TFAP4: variants seen among roughly 807,000 people sequenced by gnomAD.
TFAP4 encodes activating enhancer-binding protein 4.
TFAP4 carries 7 observed loss-of-function variants against 40.4 expected under a neutral mutation model. The ratio of observed to expected loss-of-function variants is 0.17; its 90% CI spans 0.10 to 0.33. TFAP4 has a LOEUF of 0.33. Among genes scored for constraint, TFAP4 ranks in the 10% least tolerant of loss-of-function variants. The pLI, the probability that TFAP4 is intolerant of heterozygous loss-of-function variation, is 1.00. For synonymous variants in TFAP4, 218 were observed against 181.4 expected (o/e 1.20, Z -1.62); for missense variants, 374 against 451.1 (o/e 0.83, Z 1.55).
rs1414640425 is a variant in TFAP4, at chr16:4,257,904, T to C, written c.*151A>G. ...CGGGTTGAGTGGCTTCGTTCAAAGG[T>C]CGATTTACAGTATTGAAAAAGAGGT... On this transcript the variant is annotated 3_prime_UTR_variant, in exon 7 of 7. Coordinates refer to ENST00000204517, the MANE Select transcript of TFAP4 (RefSeq NM_003223.3). 2 of 779,154 alleles carry C rather than the reference T, an allele frequency of 2.6e-6. No individual in the cohort carries two copies. The highest frequency in any genetic ancestry group is 2.9e-5 in the East Asian group (1 of 34,850). The allele number at this position is 779,154 out of a possible 1,614,324, so 48.3% of individuals were successfully genotyped here. A position where few individuals can be genotyped will look rare whatever the true frequency, so the allele number is the denominator to read the frequency against.
intron 6 of TFAP4, 82 bp downstream of exon 6, chr16:4,260,008 G>T (rs2141088721): frequency 6.8e-7 from 1 of 1,463,012 alleles, no homozygotes; most frequent in East Asian, 2.5e-5. Flanking sequence ...CTCCGCTTCT[G>T]CCCCTCTTTT....
intron 6 of TFAP4, among the ~76,000 whole-genome samples, chr16:4,259,704 C>T (rs1194848732): frequency 6.6e-6 from 1 of 152,196 alleles, no homozygotes; most frequent in East Asian, 1.9e-4. Flanking sequence ...CAACTATCAC[C>T]AGCCCTGCCA....
intron 6 of TFAP4, 37 bp from the exon 7 acceptor site, chr16:4,258,286 G>A (rs2052915377): frequency 1.3e-6 from 2 of 1,524,626 alleles, no homozygotes; most frequent in African/African-American, 2.8e-5. Flanking sequence ...GCTCGGCCGG[G>A]GATACATGGC....
intron 1 of TFAP4, among the ~76,000 whole-genome samples, chr16:4,269,953 G>A (rs2053028541): frequency 6.6e-6 from 1 of 152,134 alleles, no homozygotes; most frequent in African/African-American, 2.4e-5. Context: ...GGCCAAGGTG[G>A]GCAGATCACC....
At chr16:4,260,617 C>T (rs2052939193) in intron 4 of TFAP4, 22 bp from the exon 5 acceptor site, 1 of 1,573,208 alleles carries the variant, frequency 6.4e-7, no homozygotes, top group Non-Finnish European at 8.6e-7. Context: ...ACAACCTGGG[C>T]TCAGGGCCAA....
intron 4 of TFAP4, among the ~76,000 whole-genome samples, chr16:4,261,111 G>C (rs1251616987): frequency 2.0e-5 from 3 of 152,032 alleles, no homozygotes; most frequent in Non-Finnish European, 4.4e-5. Context: ...CGGGACTACA[G>C]GCACACCCCA....
Position 4,272,425 on chromosome 16 carries a change from C to T in TFAP4, c.89+233G>A, listed in dbSNP as rs561246369. 1.9e-3 allele frequency among the ~76,000 whole-genome samples: 294 copies of T among 152,206 alleles called. 1 individual carries two copies. Among genetic ancestry groups the T allele is most frequent in the African/African-American group, 6.7e-3 (279 of 41,526 alleles). The stretch of plus-strand genomic sequence containing the variant: ...TGCAATTTACAAACGTCGCGACTCG[C>T]CCGCCTGCAGCGGACAAAAGTGGCC... On this transcript the variant is annotated intron_variant, in intron 1 of 6. Coordinates refer to ENST00000204517, the MANE Select transcript of TFAP4 (RefSeq NM_003223.3).
intron 6 of TFAP4, 98 bp from the exon 7 acceptor site, chr16:4,258,347 A>C: frequency 6.7e-6 from 8 of 1,191,188 alleles, no homozygotes; most frequent in Non-Finnish European, 9.4e-6. Context: ...CCCCCAAAAC[A>C]CATAGCCCAG....
rs1397125444 is a variant in TFAP4, at chr16:4,262,694, T to G, written c.97A>C (p.Asn33His). The G allele has an allele frequency of 1.2e-6, 2 of 1,608,446 alleles. No individual in the cohort carries two copies. Among genetic ancestry groups the G allele is most frequent in the Non-Finnish European group, 1.7e-6 (2 of 1,179,910 alleles). ...EVIGGLCSLA[N>H]IPLTPETQRD... ...TGAGTCTCGGGGGTTAGTGGAATGT[T>G]GGCAAGGCTGCCAGAGAGGACAGGG... The change falls in exon 2 of 7, where the codon AAC (asparagine) becomes CAC (histidine). Residue 33 changes from asparagine (N) to histidine (H), a missense_variant. This residue lies in a region of TFAP4 where 51 missense variants were observed against 59.3 expected (regional missense o/e 0.86). Transcript: ENST00000204517.
chr16:4,262,327 G>A lies in TFAP4; in HGVS notation c.351C>T (p.Ile117=). The A allele has an allele frequency of 1.9e-6, 3 of 1,614,166 alleles. No homozygotes were observed. Among genetic ancestry groups the A allele is most frequent in the Non-Finnish European group, 2.5e-6 (3 of 1,180,012 alleles). Residue 117 remains isoleucine (I), a synonymous_variant, in exon 3 of 7, where the codon ATC becomes ATT. Coordinates refer to ENST00000204517, the MANE Select transcript of TFAP4 (RefSeq NM_003223.3). ...AGCCATGAAGGACAGGGCGCACCTGGATGAAGCGCTTGAGCTGTGTGTTCT... is the reference window on the plus strand; with the variant it reads ...AGCCATGAAGGACAGGGCGCACCTGAATGAAGCGCTTGAGCTGTGTGTTCT... The part of the protein sequence containing the change: ...LQQNTQLKRF[I]QELSGSSPKR...
chr16:4,257,977 T>TCATTCGCC lies in TFAP4; in HGVS notation c.*70_*77dup. On this transcript the variant is annotated 3_prime_UTR_variant, in exon 7 of 7. Coordinates refer to ENST00000204517, the MANE Select transcript of TFAP4 (RefSeq NM_003223.3). ...TCGTAATTTTGTAAAAATTTCTCAC[T>TCATTCGCC]CATTCGCCCATGTCTCTCCCTGTGG... The TCATTCGCC allele has an allele frequency of 7.2e-7, 1 of 1,382,602 alleles. No individual in the cohort carries two copies. The highest frequency in any genetic ancestry group is 2.5e-4 in the Middle Eastern group (1 of 3,936). The allele number at this position is 1,382,602 out of a possible 1,614,324, so 85.6% of individuals were successfully genotyped here. A position where few individuals can be genotyped will look rare whatever the true frequency, so the allele number is the denominator to read the frequency against.
chr16:4,272,729 C>T lies in TFAP4; in HGVS notation c.18G>A (p.Val6=), dbSNP rs987103292. MEYFM[V]PTQKVPSLQH... ...GCAAAGAGGGCACCTTCTGAGTGGG[C>T]ACCATGAAATACTCCATAGCGATCG... The change falls in exon 1 of 7, where the codon GTG becomes GTA. Residue 6 remains valine, a synonymous_variant. Coordinates refer to ENST00000204517, the MANE Select transcript of TFAP4 (RefSeq NM_003223.3). 1.2e-6 allele frequency: 2 copies of T among 1,613,444 alleles called. No homozygotes were observed. Among genetic ancestry groups the T allele is most frequent in the South Asian group, 1.1e-5 (1 of 91,044 alleles).
intron 1 of TFAP4, chr16:4,268,221 G>C (rs912637602): frequency 1.3e-5 from 2 of 152,328 alleles, no homozygotes; most frequent in Non-Finnish European, 2.9e-5. Context: ...CCTGAGGTCA[G>C]AAGTTTCAGA....
intron 1 of TFAP4, among the ~76,000 whole-genome samples, chr16:4,271,518 G>C (rs894093408): frequency 5.9e-5 from 9 of 152,252 alleles, no homozygotes; most frequent in Non-Finnish European, 1.0e-4. Context: ...AGAGTTCCAG[G>C]CATGTGCATT....
At chr16:4,262,471 C>T (rs199753022) in intron 2 of TFAP4, 49 bp from the exon 3 acceptor site, 1 of 1,613,732 alleles carries the variant, frequency 6.2e-7, no homozygotes, top group Non-Finnish European at 8.5e-7. Flanking sequence ...TTTACCAGAG[C>T]TCACTTTCCT....
rs994375755 is a variant in TFAP4, at chr16:4,261,653, G to A, written c.525+126C>T. 6 of 1,151,946 alleles carry A rather than the reference G, an allele frequency of 5.2e-6. No homozygotes were observed. The East Asian group carries it at 1.6e-4, about 31-fold the overall frequency. The allele number at this position is 1,151,946 out of a possible 1,614,324, so 71.4% of individuals were successfully genotyped here. A position where few individuals can be genotyped will look rare whatever the true frequency, so the allele number is the denominator to read the frequency against. ...GTGTCTGGCTTGCTCCCCACTCCTA[G>A]GCCTGGCACCGCAGTAGGTGCTCCT... On this transcript the variant is annotated intron_variant, in intron 4 of 6. Coordinates refer to ENST00000204517, the MANE Select transcript of TFAP4 (RefSeq NM_003223.3).
chr16:4,259,325 G>T (rs1407150234), intron 6 of TFAP4, among the ~76,000 whole-genome samples: 2 of 151,728 alleles, frequency 1.3e-5, no homozygotes, highest in Non-Finnish European at 2.9e-5. Flanking sequence ...ATAGAGATGG[G>T]GTTTTCACCA....
At chr16:4,260,384 G>C in intron 5 of TFAP4, 71 bp downstream of exon 5, 1 of 1,515,522 alleles carries the variant, frequency 6.6e-7, no homozygotes, top group Non-Finnish European at 8.8e-7. Context: ...CTAGGGAGAG[G>C]CTTCCGCCAT....
intron 1 of TFAP4, among the ~76,000 whole-genome samples, chr16:4,270,580 G>A (rs2053032620): frequency 6.6e-6 from 1 of 152,200 alleles, no homozygotes; most frequent in Non-Finnish European, 1.5e-5. Flanking sequence ...GTCTTGCAAT[G>A]GACGTTGCCA....
Sources: allele counts gnomAD v4.1 joint callset (sites outside exome capture counted in the v4.1 genomes callset), GRCh38; gene constraint gnomAD v4.1.1; regional missense constraint gnomAD v4.1.1; transcripts MANE v1.5; gene names NCBI Gene and HGNC (gene_info 2026-07-23, HGNC 2026-07-21).